The following ACTA2 variants were observed in gnomAD, a reference collection of about 807,000 sequenced individuals.
The protein encoded by ACTA2 is actin, aortic smooth muscle.
In ACTA2, 12 loss-of-function variants were observed where a neutral mutation model predicts 39.5. The observed-to-expected ratio is 0.30, with a 90% CI of 0.19 to 0.49. The LOEUF is 0.49. ACTA2 is among the 20% of genes least tolerant of loss of function. The pLI is 0.99. For synonymous variants in ACTA2, 158 were observed against 180.6 expected (o/e 0.88, Z 1.00); for missense variants, 236 against 498.8 (o/e 0.47, Z 5.02).
chr10:88,943,919 G>T lies in ACTA2; in HGVS notation c.259-12C>A, dbSNP rs1411318617. On this transcript the variant is annotated splice_polypyrimidine_tract_variant and intron_variant, in intron 3 of 8. Transcript: ENST00000224784. ...GAGTGGTGCCAGATCTAGTGAGTTG[G>T]GGGACAGAGGAGAAACACAATGATG... The T allele has an allele frequency of 6.2e-7, 1 of 1,610,068 alleles. No individual in the cohort carries two copies. The highest frequency in any genetic ancestry group is 1.3e-5 in the African/African-American group (1 of 74,804).
rs1845717094 is a variant in ACTA2, at chr10:88,935,427, G to C, written c.991-61C>G. ...TCATCATTAGTGCAGTCGTTAGTGC[G>C]GTAGGACAGAGCCTGGATGTTCTAC... On this transcript the variant is annotated intron_variant, in intron 8 of 8. Transcript: ENST00000224784. 3 of 1,583,924 alleles carry C rather than the reference G, an allele frequency of 1.9e-6. No homozygotes were observed. The African/African-American group carries it at 4.0e-5, about 21-fold the overall frequency.
At chr10:88,941,070 C>T in intron 6 of ACTA2, 159 bp downstream of exon 6, 1 of 921,064 alleles carries the variant, frequency 1.1e-6, no homozygotes, top group Middle Eastern at 3.2e-4. Flanking sequence ...TTTGCAACTT[C>T]ACACAGCAAA....
At chr10:88,991,064 C>T in exon 1 of ACTA2, 1 of 921,008 alleles carries the variant, frequency 1.1e-6, no homozygotes, top group South Asian at 1.5e-5. Flanking sequence ...GAGACTGGCT[C>T]CCGGGGGCTG....
At chr10:88,979,610 GA>G (rs377254526) in intron 1 of ACTA2, among the ~76,000 whole-genome samples, 2,012 of 150,946 alleles carry the variant, frequency 0.013, 26 homozygotes, top group Non-Finnish European at 0.021. Flanking sequence ...TGTTAATGAT[GA>G]CTTTTTTTTT....
At chr10:88,941,651 G>T (rs940151886) in intron 5 of ACTA2, 134 bp downstream of exon 5, 3 of 895,034 alleles carry the variant, frequency 3.4e-6, no homozygotes, top group South Asian at 1.4e-5. Context: ...ACTAGAAGAA[G>T]ATCTTTTAGG....
Position 88,935,194 on chromosome 10 carries a change from C to T in ACTA2, c.*29G>A, listed in dbSNP as rs2133237487. The T allele has an allele frequency of 8.7e-6, 14 of 1,611,324 alleles. No homozygotes were observed. Among genetic ancestry groups the T allele is most frequent in the Middle Eastern group, 2.1e-4 (1 of 4,732 alleles). On this transcript the variant is annotated 3_prime_UTR_variant, in exon 9 of 9. Transcript: ENST00000224784. The stretch of plus-strand genomic sequence containing the variant: ...TCCACAGGACATTCACAGTTGTGTG[C>T]TAGAGACAGAGAGGAGCAGGAAAGT...
chr10:88,955,126 T>C (rs989977860), upstream of ACTA2, among the ~76,000 whole-genome samples: 8 of 151,564 alleles, frequency 5.3e-5, no homozygotes, highest in African/African-American at 1.7e-4. Flanking sequence ...AAAGAACATA[T>C]CCAACAATCA....
intron 3 of ACTA2, among the ~76,000 whole-genome samples, chr10:88,944,737 T>C (rs1003093508): frequency 6.6e-6 from 1 of 152,266 alleles, no homozygotes; most frequent in Admixed American, 6.5e-5. Flanking sequence ...GTGAAGGTAC[T>C]TTGGACATAA....
In ACTA2 at chr10:88,947,381, C is replaced by T. The variant is rs794727492; in HGVS notation, c.135G>A (p.Val45=). 1.2e-6 allele frequency: 2 copies of T among 1,613,952 alleles called. No individual in the cohort carries two copies. The highest frequency in any genetic ancestry group is 3.3e-5 in the Admixed American group (2 of 60,020). ...TGTCTTTTTGTCCCATTCCCACCATCACCCCCTAAAAAGGTTCAACACATT... is the reference window on the plus strand; with the variant it reads ...TGTCTTTTTGTCCCATTCCCACCATTACCCCCTAAAAAGGTTCAACACATT... The part of the protein sequence containing the change: ...SIVGRPRHQG[V]MVGMGQKDSY... The change falls in exon 3 of 9, where the codon GTG becomes GTA. Residue 45 remains valine (V), a synonymous_variant. Coordinates refer to ENST00000224784, the MANE Select transcript of ACTA2 (RefSeq NM_001613.4).
chr10:88,938,239 A>G lies in ACTA2; in HGVS notation c.812T>C (p.Met271Thr). ...GGTTTCATGGATGCCAGCAGACTCC[A>G]TCCCTGGAAAAGAGACACAGGCCAT... ...ETLFQPSFIG[M>T]ESAGIHETTY... Residue 271 changes from methionine (M) to threonine (T), a missense_variant, in exon 8 of 9, where the codon ATG becomes ACG. By Grantham distance (81) the Met-to-Thr change is moderately conservative. Transcript: ENST00000224784. 6.2e-7 allele frequency: 1 copy of G among 1,613,964 alleles called. No individual in the cohort carries two copies. The highest frequency in any genetic ancestry group is 8.5e-7 in the Non-Finnish European group (1 of 1,179,886).
chr10:88,970,274 C>T (rs764757250), intron 1 of ACTA2, among the ~76,000 whole-genome samples: 11 of 152,196 alleles, frequency 7.2e-5, no homozygotes, highest in Non-Finnish European at 1.3e-4. Flanking sequence ...TCTTCAATCT[C>T]TCCCTTGTAT....
At chr10:88,962,689 T>C (rs1846244200) in intron 1 of ACTA2, among the ~76,000 whole-genome samples, 1 of 152,076 alleles carries the variant, frequency 6.6e-6, no homozygotes, top group Non-Finnish European at 1.5e-5. Context: ...TATCAGCACG[T>C]GATTACCATG....
At chr10:88,989,719 G>A (rs1847053577) in intron 1 of ACTA2, 6 of 380,672 alleles carry the variant, frequency 1.6e-5, no homozygotes, top group South Asian at 9.9e-5. Context: ...AGTGGGCTAA[G>A]CAAAGGGTTA....
intron 7 of ACTA2, 49 bp from the exon 8 acceptor site, chr10:88,938,291 G>A (rs750750656): frequency 1.9e-6 from 3 of 1,602,430 alleles, no homozygotes; most frequent in Non-Finnish European, 1.7e-6. Flanking sequence ...GTAAAACCCA[G>A]GCTAGACATG....
At chr10:88,967,295 T>C (rs1846336286) in intron 1 of ACTA2, among the ~76,000 whole-genome samples, 1 of 152,108 alleles carries the variant, frequency 6.6e-6, no homozygotes. Context: ...CATCATCAGG[T>C]AGGGGCAAGA....
At chr10:88,970,243 G>A (rs1021924556) in intron 1 of ACTA2, among the ~76,000 whole-genome samples, 3 of 152,082 alleles carry the variant, frequency 2.0e-5, no homozygotes, top group Non-Finnish European at 4.4e-5. Context: ...GTCTTTGGAC[G>A]TTTCCATCTC....
At chr10:88,986,994 A>G (rs1356451402) in intron 1 of ACTA2, among the ~76,000 whole-genome samples, 2 of 152,198 alleles carry the variant, frequency 1.3e-5, no homozygotes, top group African/African-American at 4.8e-5. Flanking sequence ...AGGAGGTGAC[A>G]ATGTCTATAT....
intron 1 of ACTA2, among the ~76,000 whole-genome samples, chr10:88,987,695 C>G (rs954503420): frequency 6.6e-6 from 1 of 151,992 alleles, no homozygotes; most frequent in Non-Finnish European, 1.5e-5. Flanking sequence ...GTCACATTTC[C>G]CACCCACTAC....
intron 1 of ACTA2, among the ~76,000 whole-genome samples, chr10:88,982,662 T>A (rs61090767): frequency 0.014 from 2,204 of 152,214 alleles, 61 homozygotes; most frequent in African/African-American, 0.05. Context: ...TGAACTAAGT[T>A]TTTTTTTCTT....
Sources: allele counts gnomAD v4.1 joint callset (sites outside exome capture counted in the v4.1 genomes callset), GRCh38; gene constraint gnomAD v4.1.1; transcripts MANE v1.5; gene names NCBI Gene and HGNC (gene_info 2026-07-23, HGNC 2026-07-21).